HYDIN: variants seen among roughly 807,000 people sequenced by gnomAD.
The protein encoded by HYDIN is HYDIN axonemal central pair apparatus protein, also known as axonemal central pair apparatus protein HYDIN.
In HYDIN, 132 loss-of-function variants were observed where a neutral mutation model predicts 403.9. The observed-to-expected ratio is 0.33, with a 90% CI of 0.28 to 0.38. The LOEUF is 0.38. Among genes scored for constraint, HYDIN ranks in the 10% least tolerant of loss-of-function variants. The pLI is 1.00. For synonymous variants in HYDIN, 1,202 were observed against 1,891.7 expected, an observed-to-expected ratio of 0.64 and a Z score of 9.46; for missense variants, 2,827 against 5,009.5, an observed-to-expected ratio of 0.56 and a Z score of 13.15.
At chr16:71,169,867 A>G (rs190172876) in intron 5 of HYDIN, among the ~76,000 whole-genome samples, 41 of 152,370 alleles carry the variant, frequency 2.7e-4, no homozygotes, top group African/African-American at 9.4e-4. Flanking sequence ...GATAATGTAT[A>G]TATTAATTAG....
chr16:71,207,744 GAAACAA>G (rs2088374624), intron 1 of HYDIN, among the ~76,000 whole-genome samples: 4 of 150,394 alleles, frequency 2.7e-5, no homozygotes, highest in African/African-American at 9.8e-5. Flanking sequence ...TAAGCAAATA[GAAACAA>G]AAAAAAAGCA....
At chr16:71,061,223 G>C (rs1255993341) in intron 17 of HYDIN, among the ~76,000 whole-genome samples, 2 of 149,070 alleles carry the variant, frequency 1.3e-5, no homozygotes, top group Admixed American at 6.7e-5. Flanking sequence ...TCTGTGCAGG[G>C]GGGTAGGACA....
chr16:71,209,303 A>C (rs764543980), intron 1 of HYDIN, among the ~76,000 whole-genome samples: 10 of 151,684 alleles, frequency 6.6e-5, no homozygotes, highest in Admixed American at 1.3e-4. Context: ...CCACATGATT[A>C]TCTCAATAGA....
chr16:70,982,128 C>CAAAAAA (rs777603836), intron 28 of HYDIN, among the ~76,000 whole-genome samples: 1 of 66,282 alleles, frequency 1.5e-5, no homozygotes, highest in African/African-American at 5.8e-5. Context: ...ACTCCGTCTC[C>CAAAAAA]AAAAAAAAAA....
chr16:70,866,097 G>A (rs575902978), intron 67 of HYDIN, 72 bp downstream of exon 67: 2 of 952,486 alleles, frequency 2.1e-6, no homozygotes, highest in East Asian at 4.8e-5. Context: ...ATAGACGTTT[G>A]ATGAGTGAGT....
chr16:71,106,175 C>T (rs1045077739), intron 10 of HYDIN, among the ~76,000 whole-genome samples: 5 of 151,060 alleles, frequency 3.3e-5, no homozygotes, highest in Non-Finnish European at 3.0e-5. Flanking sequence ...CTCCCTCTCT[C>T]TCTCTCTCTC....
chr16:70,850,890 A>G (rs1597120189), intron 73 of HYDIN, among the ~76,000 whole-genome samples: 3 of 152,150 alleles, frequency 2.0e-5, no homozygotes, highest in Non-Finnish European at 2.9e-5. Flanking sequence ...CACACCTACA[A>G]TCATCTGATC....
intron 1 of HYDIN, among the ~76,000 whole-genome samples, chr16:71,224,093 C>A (rs570488278): frequency 6.6e-6 from 1 of 152,316 alleles, no homozygotes; most frequent in South Asian, 2.1e-4. Flanking sequence ...AATGTGTATA[C>A]CATGGAATAC....
At chr16:70,962,617 T>G (rs1411498309) in intron 37 of HYDIN, among the ~76,000 whole-genome samples, 1 of 151,394 alleles carries the variant, frequency 6.6e-6, no homozygotes, top group East Asian at 1.9e-4. Flanking sequence ...ATTTCCTGTG[T>G]CATTGTTAGG....
At chr16:70,869,843 A>T (rs2502691) in intron 65 of HYDIN, among the ~76,000 whole-genome samples, 3 of 144,720 alleles carry the variant, frequency 2.1e-5, no homozygotes, top group African/African-American at 8.7e-5. Flanking sequence ...TAACAGGCAG[A>T]GGTTGGAACT....
chr16:71,158,488 C>T (rs1597907685), intron 6 of HYDIN, among the ~76,000 whole-genome samples: 2 of 150,068 alleles, frequency 1.3e-5, no homozygotes. Flanking sequence ...CTAAAATATA[C>T]GAAATTGCCA....
chr16:70,974,402 A>T, intron 32 of HYDIN, 102 bp from the exon 33 acceptor site: 1 of 1,511,516 alleles, frequency 6.6e-7, no homozygotes. Flanking sequence ...TGCTCAGAGG[A>T]TCACTGAATA....
intron 75 of HYDIN, among the ~76,000 whole-genome samples, 197 bp downstream of exon 75, chr16:70,849,529 C>G (rs1244065016): frequency 6.6e-6 from 1 of 152,030 alleles, no homozygotes; most frequent in Admixed American, 6.6e-5. Context: ...AATTGCTTTT[C>G]AATCCACACT....
intron 1 of HYDIN, among the ~76,000 whole-genome samples, chr16:71,206,351 C>T (rs1046668162): frequency 3.3e-5 from 5 of 152,128 alleles, no homozygotes; most frequent in Non-Finnish European, 7.4e-5. Context: ...AGACTAGAAT[C>T]GAAGCCAGTC....
rs768899959 is a variant in HYDIN at position 71,186,904 on chromosome 16, A to AT, written c.-10dup. 2.0e-4 allele frequency: 322 copies of AT among 1,593,670 alleles called. No homozygotes were observed. The highest frequency in any genetic ancestry group is 4.9e-4 in the South Asian group (43 of 87,842). Reference sequence around the variant, plus strand: ...AGTCTTCTACTTGTCATTTTTAGTAATTTTTTTTTCTCACCTAAGAGTGAA... The same window carrying AT: ...AGTCTTCTACTTGTCATTTTTAGTAATTTTTTTTTTCTCACCTAAGAGTGAA... On this transcript the variant is annotated 5_prime_UTR_variant, in exon 2 of 86. Transcript: ENST00000393567.
chr16:71,138,959 C>A (rs2085048566), intron 7 of HYDIN, among the ~76,000 whole-genome samples: 1 of 152,118 alleles, frequency 6.6e-6, no homozygotes, highest in African/African-American at 2.4e-5. Flanking sequence ...TGGCGCATGC[C>A]TGTAGTCCCA....
intron 23 of HYDIN, among the ~76,000 whole-genome samples, chr16:71,016,654 T>C (rs6499388): frequency 4.7e-3 from 608 of 128,680 alleles, no homozygotes; most frequent in African/African-American, 0.011. Flanking sequence ...CAAAGTGATA[T>C]TAGCACTCTC....
chr16:70,916,658 C>T (rs1040974760), intron 47 of HYDIN, among the ~76,000 whole-genome samples: 5 of 152,162 alleles, frequency 3.3e-5, no homozygotes, highest in African/African-American at 1.2e-4. Flanking sequence ...AGTCCTGCCT[C>T]CTGTCTGCCA....
At chr16:71,187,203 C>T (rs142189348) in intron 1 of HYDIN, among the ~76,000 whole-genome samples, 5 of 152,060 alleles carry the variant, frequency 3.3e-5, no homozygotes, top group Non-Finnish European at 5.9e-5. Flanking sequence ...CTTTTATCTT[C>T]CCAATGAGAA....
Sources: gnomAD v4.1 joint callset for allele counts (sites outside exome capture counted in the v4.1 genomes callset) on GRCh38, gnomAD v4.1.1 for gene constraint, MANE v1.5 for transcripts, NCBI Gene and HGNC (gene_info 2026-07-23, HGNC 2026-07-21) for gene names.